Variants in ACACB observed in about 807,000 individuals in gnomAD.
ACACB encodes acetyl-CoA carboxylase 2.
Under a neutral mutation model 278.8 loss-of-function variants are expected in ACACB, and 209 were observed. That is an observed-to-expected ratio of 0.75 (90% CI 0.67 to 0.84). ACACB has a LOEUF of 0.84. Among genes scored for constraint, ACACB ranks in the 40% least tolerant of loss-of-function variants. The pLI is 0.00. For missense variants in ACACB, 2,850 were observed against 3,269.0 expected, an observed-to-expected ratio of 0.87 and a Z score of 3.13; for synonymous variants, 1,174 against 1,285.6, an observed-to-expected ratio of 0.91 and a Z score of 1.86.
At position 109,216,738 on chromosome 12, in the gene ACACB, TGGTG is replaced by T. The variant is rs762185509; in HGVS notation, c.3439+35_3439+38del. 6.8e-6 allele frequency: 11 copies of T among 1,613,972 alleles called. No individual in the cohort carries two copies. The African/African-American group carries it at 1.5e-4, about 22-fold the overall frequency. The stretch of plus-strand genomic sequence containing the variant: ...GATGCTGATGCCAACACCAGTGGGA[TGGTG>T]GGGGGCGTGAGGAGCCTGAGCTTTA... On this transcript the variant is annotated intron_variant, in intron 23 of 52. Transcript: ENST00000338432.
chr12:109,253,632 C>A (rs1381003494), intron 43 of ACACB, among the ~76,000 whole-genome samples: 1 of 152,160 alleles, frequency 6.6e-6, no homozygotes, highest in African/African-American at 2.4e-5. Context: ...TAAAGCACAA[C>A]GTTTGGTAGG....
chr12:109,131,508 T>G (rs2042825931), intron 1 of ACACB: 1 of 152,664 alleles, frequency 6.6e-6, no homozygotes, highest in Non-Finnish European at 1.5e-5. Context: ...GATGCTGACA[T>G]TCTGTCCCCT....
At chr12:109,127,418 A>G (rs1374582662) in intron 1 of ACACB, among the ~76,000 whole-genome samples, 1 of 133,044 alleles carries the variant, frequency 7.5e-6, no homozygotes, top group Non-Finnish European at 1.6e-5. Context: ...TCCTGTCTCT[A>G]CAGAAAAAAA....
intron 12 of ACACB, among the ~76,000 whole-genome samples, chr12:109,186,353 G>A (rs1315471425): frequency 6.6e-6 from 1 of 152,174 alleles, no homozygotes; most frequent in African/African-American, 2.4e-5. Context: ...CAAAGAGCCT[G>A]GGGTAACTTG....
intron 2 of ACACB, among the ~76,000 whole-genome samples, chr12:109,154,250 T>C (rs2043455786): frequency 6.6e-6 from 1 of 152,222 alleles, no homozygotes; most frequent in Admixed American, 6.5e-5. Context: ...AGAAGCACAC[T>C]GGGTGATTGC....
chr12:109,242,701 G>A, intron 37 of ACACB, 109 bp downstream of exon 37: 2 of 1,354,080 alleles, frequency 1.5e-6, no homozygotes, highest in South Asian at 1.4e-5. Flanking sequence ...TAAAGGACAA[G>A]GTCTTGCCAG....
intron 1 of ACACB, among the ~76,000 whole-genome samples, chr12:109,122,102 C>T (rs2042561675): frequency 6.6e-6 from 1 of 152,132 alleles, no homozygotes; most frequent in African/African-American, 2.4e-5. Flanking sequence ...GTAGAGGGGT[C>T]AGTGTGGCAG....
At chr12:109,210,686 A>C (rs1449867207) in intron 21 of ACACB, among the ~76,000 whole-genome samples, 1 of 151,432 alleles carries the variant, frequency 6.6e-6, no homozygotes, top group African/African-American at 2.4e-5. Context: ...AGGCCAGGGC[A>C]GGTGGATCAC....
At chr12:109,134,462 G>A (rs183912928) in intron 1 of ACACB, among the ~76,000 whole-genome samples, 88 of 152,268 alleles carry the variant, frequency 5.8e-4, no homozygotes, top group African/African-American at 2.0e-3. Context: ...TGGGGAAGCC[G>A]GGATAGCTTT....
chr12:109,206,339 C>G (rs1324568898), intron 19 of ACACB, among the ~76,000 whole-genome samples: 1 of 148,830 alleles, frequency 6.7e-6, no homozygotes, highest in African/African-American at 2.5e-5. Flanking sequence ...GAGACTGAGG[C>G]AGGAGAATTG....
chr12:109,174,435 C>T (rs2044217067), intron 7 of ACACB, among the ~76,000 whole-genome samples: 1 of 150,254 alleles, frequency 6.7e-6, no homozygotes, highest in Middle Eastern at 3.2e-3. Context: ...TTAGAAAATA[C>T]AAGAAGTACA....
intron 11 of ACACB, among the ~76,000 whole-genome samples, chr12:109,184,119 C>G (rs10444495): frequency 0.48 from 72,029 of 151,120 alleles, 19,282 homozygotes; most frequent in Middle Eastern, 0.7. Flanking sequence ...GTGGTGCGAT[C>G]TTGGCTCACT....
intron 13 of ACACB, among the ~76,000 whole-genome samples, chr12:109,189,265 A>G (rs1332302753): frequency 1.3e-5 from 2 of 152,220 alleles, no homozygotes; most frequent in South Asian, 2.1e-4. Flanking sequence ...TGAGTTGGGC[A>G]GTTTTGATGA....
At chr12:109,188,790 A>G (rs1484350636) in intron 13 of ACACB, among the ~76,000 whole-genome samples, 2 of 152,190 alleles carry the variant, frequency 1.3e-5, no homozygotes, top group African/African-American at 4.8e-5. Context: ...TCTAGCTTGA[A>G]GGAGATCTAA....
chr12:109,150,756 C>T (rs1420249616), intron 2 of ACACB, among the ~76,000 whole-genome samples: 4 of 152,206 alleles, frequency 2.6e-5, no homozygotes, highest in Admixed American at 6.5e-5. Context: ...CAGCCCACAT[C>T]TCTTATCGGC....
chr12:109,143,505 G>A (rs1211511828), intron 2 of ACACB, among the ~76,000 whole-genome samples: 1 of 148,748 alleles, frequency 6.7e-6, no homozygotes, highest in East Asian at 2.0e-4. Context: ...GGCTGCACCA[G>A]ACTCCTGAGA....
At chr12:109,119,552 C>T (rs1274167460) in intron 1 of ACACB, among the ~76,000 whole-genome samples, 4 of 150,028 alleles carry the variant, frequency 2.7e-5, no homozygotes, top group Non-Finnish European at 4.4e-5. Flanking sequence ...ATGGTGCCAC[C>T]GCACTCCAGC....
At position 109,140,239 on chromosome 12, in the gene ACACB, C is replaced by CTTCT. The variant is rs878963302; in HGVS notation, c.653+184_653+185insTTTC. Among the ~76,000 whole-genome samples the CTTCT allele has an allele frequency of 7.6e-4, 99 of 130,320 alleles. 4 individuals carry two copies. The highest frequency in any genetic ancestry group is 2.5e-3 in the African/African-American group (87 of 35,400). 85.5% of individuals were successfully genotyped at this position (130,320 alleles called of 152,430 possible). A position where few individuals can be genotyped will look rare whatever the true frequency, so the allele number is the denominator to read the frequency against. ...GTTTCCTTCCTTCCTTCCTTCCTTCCTTCCTTCCTTCCTTCCATCCTTCCT... is the reference window on the plus strand; with the variant it reads ...GTTTCCTTCCTTCCTTCCTTCCTTCCTTCTTTCCTTCCTTCCTTCCATCCTTCCT... On this transcript the variant is annotated intron_variant, in intron 2 of 52. Coordinates refer to ENST00000338432, the MANE Select transcript of ACACB (RefSeq NM_001093.4).
rs1224128465 is a variant in ACACB, at chr12:109,216,892, A to G, written c.3536A>G (p.Lys1179Arg). 5.6e-6 allele frequency: 9 copies of G among 1,613,886 alleles called. No homozygotes were observed. Among genetic ancestry groups the G allele is most frequent in the Non-Finnish European group, 7.6e-6 (9 of 1,180,022 alleles). ...DCIFSHAQVA[K>R]KNQLVIMLID... ...ATCTTCTCCCACGCACAGGTGGCCAAGAAGAACCAGCTGGTGATCATGTTG... is the reference window on the plus strand; with the variant it reads ...ATCTTCTCCCACGCACAGGTGGCCAGGAAGAACCAGCTGGTGATCATGTTG... Residue 1179 changes from lysine to arginine, a missense_variant, in exon 24 of 53, where the codon AAG (lysine) becomes AGG (arginine). Around this residue, in one of 3 missense-constraint regions of ACACB, gnomAD observed 2,265 missense variants for 2,561.3 expected, o/e 0.88. Transcript: ENST00000338432.
Sources: allele counts gnomAD v4.1 joint callset (sites outside exome capture counted in the v4.1 genomes callset), GRCh38; gene constraint gnomAD v4.1.1; regional missense constraint gnomAD v4.1.1; transcripts MANE v1.5; gene names NCBI Gene and HGNC (gene_info 2026-07-23, HGNC 2026-07-21).